The following NPAS3 variants were observed in gnomAD, a reference collection of about 807,000 sequenced individuals.
NPAS3 encodes the protein neuronal PAS domain protein 3, also known as neuronal PAS domain-containing protein 3.
Under a neutral mutation model 73.1 loss-of-function variants are expected in NPAS3, and 14 were observed. That is an observed-to-expected ratio of 0.19 (90% CI 0.13 to 0.30). The LOEUF (loss-of-function observed/expected upper bound fraction) is 0.30. Ranked by LOEUF, NPAS3 falls within the 10% of genes least tolerant of loss-of-function variation. The pLI is 1.00. For synonymous variants in NPAS3, 620 were observed against 541.5 expected (o/e 1.14, Z -2.01); for missense variants, 1,096 against 1,250.0 (o/e 0.88, Z 1.86).
chr14:33,260,569 T>C (rs2048938618), intron 3 of NPAS3, among the ~76,000 whole-genome samples: 1 of 152,192 alleles, frequency 6.6e-6, no homozygotes, highest in Non-Finnish European at 1.5e-5. Context: ...GGGCTTGAAA[T>C]TTGAGAATCA....
intron 1 of NPAS3, among the ~76,000 whole-genome samples, chr14:32,967,017 A>G (rs939410409): frequency 2.0e-5 from 3 of 152,170 alleles, no homozygotes; most frequent in African/African-American, 7.2e-5. Context: ...GATATTCACT[A>G]CTATGCATCT....
chr14:33,518,109 T>G (rs1460824932), intron 4 of NPAS3, among the ~76,000 whole-genome samples: 1 of 152,088 alleles, frequency 6.6e-6, no homozygotes, highest in Non-Finnish European at 1.5e-5. Flanking sequence ...GAAGAATGCT[T>G]TCATGCTATG....
chr14:33,170,619 TTTG>T (rs2045354457), intron 2 of NPAS3, among the ~76,000 whole-genome samples: 1 of 152,240 alleles, frequency 6.6e-6, no homozygotes, highest in Non-Finnish European at 1.5e-5. Flanking sequence ...ATTAATTAAG[TTTG>T]TTATTTGTTG....
intron 9 of NPAS3, among the ~76,000 whole-genome samples, chr14:33,786,149 C>A (rs1204040841): frequency 6.6e-6 from 1 of 152,176 alleles, no homozygotes; most frequent in African/African-American, 2.4e-5. Flanking sequence ...GGCCATCAAA[C>A]ATAAAACCCA....
chr14:33,506,033 C>T (rs1411120461), intron 4 of NPAS3, among the ~76,000 whole-genome samples: 4 of 151,980 alleles, frequency 2.6e-5, no homozygotes, highest in Admixed American at 2.0e-4. Context: ...CTCCCTTCCT[C>T]TCAGTATAAA....
intron 4 of NPAS3, among the ~76,000 whole-genome samples, chr14:33,527,999 C>T (rs557212712): frequency 2.4e-4 from 37 of 152,052 alleles, no homozygotes; most frequent in Non-Finnish European, 4.0e-4. Flanking sequence ...CTAAAACCTG[C>T]CACACCTTTT....
At chr14:33,513,137 G>A (rs958100308) in intron 4 of NPAS3, among the ~76,000 whole-genome samples, 5 of 152,012 alleles carry the variant, frequency 3.3e-5, no homozygotes, top group African/African-American at 7.2e-5. Context: ...CAGAAGGGTT[G>A]TGGGGCACCT....
At chr14:33,284,296 G>C (rs1198215324) in intron 3 of NPAS3, among the ~76,000 whole-genome samples, 1 of 151,804 alleles carries the variant, frequency 6.6e-6, no homozygotes, top group Non-Finnish European at 1.5e-5. Flanking sequence ...GATGACATAA[G>C]AGCTATTGTT....
rs747089463 is a variant in NPAS3, at chr14:33,087,235, A to ATACAATATTGTACAATATTG, written c.140+31251_140+31270dup. On this transcript the variant is annotated intron_variant, in intron 2 of 11. Transcript: ENST00000356141. ...TTATTATTATTGTATAATATATATT[A>ATACAATATTGTACAATATTG]TACAATATTGTACAATATTGTACAA... 1.0e-3 allele frequency among the ~76,000 whole-genome samples: 121 copies of ATACAATATTGTACAATATTG among 119,208 alleles called. 2 individuals carry two copies. Among genetic ancestry groups the ATACAATATTGTACAATATTG allele is most frequent in the South Asian group, 8.3e-3 (30 of 3,626 alleles). The allele number at this position is 119,208 out of a possible 152,430, so 78.2% of individuals were successfully genotyped here.
At chr14:33,288,972 A>G (rs747681976) in intron 3 of NPAS3, among the ~76,000 whole-genome samples, 14 of 152,212 alleles carry the variant, frequency 9.2e-5, no homozygotes, top group Non-Finnish European at 2.1e-4. Context: ...TTGAGTGAAT[A>G]GAAGAAATAA....
intron 2 of NPAS3, among the ~76,000 whole-genome samples, chr14:33,065,945 A>G (rs569312768): frequency 1.4e-4 from 22 of 152,148 alleles, no homozygotes; most frequent in African/African-American, 5.1e-4. Flanking sequence ...ACTCCACTTG[A>G]AAAACTGTTT....
intron 4 of NPAS3, among the ~76,000 whole-genome samples, chr14:33,547,686 G>A (rs1449297102): frequency 6.6e-6 from 1 of 152,150 alleles, no homozygotes; most frequent in Non-Finnish European, 1.5e-5. Flanking sequence ...ACTAAAATAA[G>A]AACATAGAAG....
intron 5 of NPAS3, among the ~76,000 whole-genome samples, chr14:33,587,406 T>C (rs1259777220): frequency 6.6e-6 from 1 of 152,224 alleles, no homozygotes; most frequent in South Asian, 2.1e-4. Flanking sequence ...AACTGTCTAG[T>C]GCAAGCCCTA....
intron 2 of NPAS3, among the ~76,000 whole-genome samples, chr14:33,101,422 C>T (rs1199968436): frequency 6.6e-6 from 1 of 152,086 alleles, no homozygotes; most frequent in African/African-American, 2.4e-5. Flanking sequence ...ACAACAATAA[C>T]TTGTAGTAAA....
intron 7 of NPAS3, among the ~76,000 whole-genome samples, chr14:33,772,211 C>T (rs144624485): frequency 1.8e-4 from 27 of 152,244 alleles, no homozygotes; most frequent in Admixed American, 2.0e-4. Flanking sequence ...TTATAGTCAC[C>T]GTTATCTCCA....
chr14:33,665,367 C>A (rs769735317), intron 5 of NPAS3, among the ~76,000 whole-genome samples: 1 of 152,062 alleles, frequency 6.6e-6, no homozygotes, highest in Non-Finnish European at 1.5e-5. Context: ...ATGGGTGCAG[C>A]AAACCACCAT....
At chr14:33,178,401 G>T (rs998819926) in intron 2 of NPAS3, among the ~76,000 whole-genome samples, 19 of 152,040 alleles carry the variant, frequency 1.2e-4, no homozygotes, top group African/African-American at 4.6e-4. Context: ...GCTTTGGGTA[G>T]TACTGATATC....
intron 3 of NPAS3, among the ~76,000 whole-genome samples, chr14:33,273,307 G>A (rs2041181776): frequency 1.3e-5 from 2 of 152,064 alleles, no homozygotes; most frequent in Admixed American, 1.3e-4. Flanking sequence ...CCTTAAACAG[G>A]GGCCTCTCTC....
chr14:33,776,361 C>T (rs2062815105), intron 8 of NPAS3, among the ~76,000 whole-genome samples: 1 of 151,820 alleles, frequency 6.6e-6, no homozygotes, highest in South Asian at 2.1e-4. Context: ...ATTTACCAAA[C>T]TTCCAATGAT....
Sources: allele counts gnomAD v4.1 joint callset (sites outside exome capture counted in the v4.1 genomes callset), GRCh38; gene constraint gnomAD v4.1.1; transcripts MANE v1.5; gene names NCBI Gene and HGNC (gene_info 2026-07-23, HGNC 2026-07-21).